LINGO2: variants seen among roughly 807,000 people sequenced by gnomAD.
LINGO2 encodes leucine rich repeat and Ig domain containing 2.
A neutral mutation model predicts 30.6 loss-of-function variants in LINGO2; 14 were observed. The ratio of observed to expected loss-of-function variants is 0.46; its 90% CI spans 0.30 to 0.72. The LOEUF is 0.72. Among genes scored for constraint, LINGO2 ranks in the 30% least tolerant of loss-of-function variants. LINGO2 has a pLI of 0.07. For missense variants in LINGO2, 729 were observed against 751.7 expected (o/e 0.97, Z 0.35); for synonymous variants, 317 against 288.5 (o/e 1.10, Z -1.00).
rs367959627 is a variant in LINGO2, at chr9:27,970,341, CTT to C, written c.-35-19637_-35-19636del. Among the ~76,000 whole-genome samples, 602 of 152,302 alleles carry C rather than the reference CTT, an allele frequency of 4.0e-3. 4 individuals carry two copies. Among genetic ancestry groups the C allele is most frequent in the African/African-American group, 0.014 (570 of 41,578 alleles). On this transcript the variant is annotated intron_variant, in intron 5 of 5. Transcript: ENST00000379992. ...GCTCGGGGGATCTGTTATAAATACT[CTT>C]GTCTCAGATATTGCTCTGAAACCAA...
rs558438837 is a variant in LINGO2 at position 28,379,731 on chromosome 9, C to T, written c.-278-6863G>A. On this transcript the variant is annotated intron_variant, in intron 2 of 5. Transcript: ENST00000379992. ...CTGCTTTACTTTTAAGTTGTCATAT[C>T]GAGATGGAGCATTGCTTTTAGTTGA... 7.2e-5 allele frequency among the ~76,000 whole-genome samples: 11 copies of T among 152,046 alleles called. No homozygotes were observed. The East Asian group carries it at 9.7e-4, about 13-fold the overall frequency.
At chr9:28,866,303 T>C in the LINGO2 span, among the ~76,000 whole-genome samples, 1 of 152,110 alleles carries the variant, frequency 6.6e-6, no homozygotes, top group Non-Finnish European at 1.5e-5. Context: ...CTTTATTGTA[T>C]TTTTTTAAGG....
the LINGO2 span, among the ~76,000 whole-genome samples, chr9:28,792,641 T>C: frequency 2.6e-5 from 4 of 152,150 alleles, no homozygotes; most frequent in Admixed American, 2.6e-4. Flanking sequence ...TTCATATAAA[T>C]ATGTGACAAT....
At chr9:28,003,350 G>T (rs148656114) in intron 5 of LINGO2, among the ~76,000 whole-genome samples, 198 of 115,094 alleles carry the variant, frequency 1.7e-3, no homozygotes, top group African/African-American at 7.1e-3. Context: ...TATATAGATA[G>T]ATAGATAGAT....
At chr9:28,488,412 A>G (rs1587741881) in intron 1 of LINGO2, among the ~76,000 whole-genome samples, 1 of 152,148 alleles carries the variant, frequency 6.6e-6, no homozygotes, top group Non-Finnish European at 1.5e-5. Context: ...AATAGATCCA[A>G]CTTCTTCACA....
At chr9:28,192,867 A>C in intron 4 of LINGO2, among the ~76,000 whole-genome samples, 1 of 152,016 alleles carries the variant, frequency 6.6e-6, no homozygotes, top group East Asian at 1.9e-4. Context: ...CTATGTGAAA[A>C]TTTTGTCTTT....
chr9:28,974,277 G>A, the LINGO2 span, among the ~76,000 whole-genome samples: 1 of 151,876 alleles, frequency 6.6e-6, no homozygotes, highest in African/African-American at 2.4e-5. Flanking sequence ...GTGGTGGCGG[G>A]CACCTGTAAT....
chr9:28,281,436 C>G (rs1273852834), intron 4 of LINGO2, among the ~76,000 whole-genome samples: 1 of 150,706 alleles, frequency 6.6e-6, no homozygotes, highest in Non-Finnish European at 1.5e-5. Flanking sequence ...AATTCATATG[C>G]ATATTCATTA....
chr9:28,858,695 C>T, the LINGO2 span, among the ~76,000 whole-genome samples: 1 of 152,036 alleles, frequency 6.6e-6, no homozygotes, highest in African/African-American at 2.4e-5. Flanking sequence ...GAGACCTCCA[C>T]TTGACATATC....
At chr9:27,949,888 A>G (rs779858380) in exon 6 of LINGO2, 1 of 1,614,092 alleles carries the variant, frequency 6.2e-7, no homozygotes, top group Non-Finnish European at 8.5e-7. Flanking sequence ...GGTACAGTAG[A>G]CAGATTGGTG....
chr9:29,021,513 C>G, the LINGO2 span, among the ~76,000 whole-genome samples: 1 of 151,906 alleles, frequency 6.6e-6, no homozygotes, highest in African/African-American at 2.4e-5. Flanking sequence ...AAAAAATGGC[C>G]AGACGTGGTG....
At chr9:28,512,219 C>T (rs1330778373) in intron 1 of LINGO2, among the ~76,000 whole-genome samples, 1 of 152,096 alleles carries the variant, frequency 6.6e-6, no homozygotes, top group Admixed American at 6.5e-5. Context: ...GTAGGCAGTT[C>T]AGGCTGCATG....
chr9:28,535,531 ATT>A (rs547338473), intron 1 of LINGO2, among the ~76,000 whole-genome samples: 1 of 151,368 alleles, frequency 6.6e-6, no homozygotes, highest in Non-Finnish European at 1.5e-5. Context: ...AACTGTATCT[ATT>A]TTTTTTTAAT....
chr9:28,231,181 T>G (rs990770184), intron 4 of LINGO2, among the ~76,000 whole-genome samples: 2 of 151,870 alleles, frequency 1.3e-5, no homozygotes, highest in African/African-American at 4.8e-5. Context: ...AATACTACCT[T>G]TATGAACAAA....
the LINGO2 span, among the ~76,000 whole-genome samples, chr9:28,990,674 T>A: frequency 5.8e-3 from 888 of 152,160 alleles, 7 homozygotes; most frequent in African/African-American, 0.021. Context: ...AGAGGAACGA[T>A]CAGACAGCAG....
At chr9:28,078,777 G>A (rs1356433174) in intron 4 of LINGO2, among the ~76,000 whole-genome samples, 1 of 147,910 alleles carries the variant, frequency 6.8e-6, no homozygotes, top group African/African-American at 2.7e-5. Flanking sequence ...GAACCTGGGA[G>A]GCAGAGGTGG....
At position 28,631,334 on chromosome 9, in the gene LINGO2, G is replaced by T. The variant is rs113794064; in HGVS notation, c.-365+38866C>A. On this transcript the variant is annotated intron_variant, in intron 1 of 5. Transcript: ENST00000379992. Reference sequence around the variant, plus strand: ...CACCCCCACCCCATGACAGGCTCCGGTGTGTGATGTTCCCCTTCCTGTGTC... The same window carrying T: ...CACCCCCACCCCATGACAGGCTCCGTTGTGTGATGTTCCCCTTCCTGTGTC... 8.1e-3 allele frequency among the ~76,000 whole-genome samples: 1,204 copies of T among 147,784 alleles called. 24 individuals carry two copies. Among genetic ancestry groups the T allele is most frequent in the African/African-American group, 0.029 (1,160 of 40,022 alleles).
At chr9:28,841,613 G>A in the LINGO2 span, among the ~76,000 whole-genome samples, 1 of 151,488 alleles carries the variant, frequency 6.6e-6, no homozygotes, top group African/African-American at 2.4e-5. Flanking sequence ...GATGACAACG[G>A]CAATGAAAAA....
chr9:28,282,353 A>G (rs1823357538), intron 4 of LINGO2, among the ~76,000 whole-genome samples: 2 of 151,948 alleles, frequency 1.3e-5, no homozygotes, highest in South Asian at 4.1e-4. Flanking sequence ...TGAGTGAATG[A>G]TGTGCAGAAT....
Sources: gnomAD v4.1 joint callset for allele counts (sites outside exome capture counted in the v4.1 genomes callset) on GRCh38, gnomAD v4.1.1 for gene constraint, MANE v1.5 for transcripts, NCBI Gene and HGNC (gene_info 2026-07-23, HGNC 2026-07-21) for gene names.